The following PRUNE2 variants were observed in gnomAD, a reference collection of about 807,000 sequenced individuals.
PRUNE2 encodes the protein protein prune homolog 2.
In PRUNE2, 164 loss-of-function variants were observed where a neutral mutation model predicts 252.0. The ratio of observed to expected loss-of-function variants is 0.65; its 90% confidence interval spans 0.57 to 0.74. The LOEUF is 0.74. PRUNE2 is among the 30% of genes least tolerant of loss of function. PRUNE2 has a pLI of 0.00. For missense variants in PRUNE2, 3,495 were observed against 3,711.0 expected (o/e 0.94, Z 1.51); for synonymous variants, 1,292 against 1,350.2 (o/e 0.96, Z 0.94).
chr9:76,770,230 T>A (rs1004703943), intron 6 of PRUNE2, among the ~76,000 whole-genome samples: 2 of 152,162 alleles, frequency 1.3e-5, no homozygotes, highest in African/African-American at 4.8e-5. Flanking sequence ...CTTACACTTG[T>A]TTTCATTTAA....
chr9:76,630,607 C>G (rs993961607), intron 15 of PRUNE2, among the ~76,000 whole-genome samples: 2 of 152,330 alleles, frequency 1.3e-5, no homozygotes, highest in Admixed American at 1.3e-4. Flanking sequence ...TCACTGCAAG[C>G]TCTGCCTCCT....
intron 1 of PRUNE2, among the ~76,000 whole-genome samples, chr9:76,894,896 C>T (rs1323537784): frequency 6.6e-6 from 1 of 152,064 alleles, no homozygotes; most frequent in Non-Finnish European, 1.5e-5. Context: ...CGTGATGGCG[C>T]TTGCCTGTAA....
chr9:76,824,714 C>T (rs1349505012), intron 5 of PRUNE2, among the ~76,000 whole-genome samples: 3 of 152,198 alleles, frequency 2.0e-5, no homozygotes, highest in Non-Finnish European at 4.4e-5. Flanking sequence ...TGGTAAAGCA[C>T]TGCACCCTTC....
At chr9:76,680,829 G>A (rs766918320) in intron 9 of PRUNE2, among the ~76,000 whole-genome samples, 1 of 152,136 alleles carries the variant, frequency 6.6e-6, no homozygotes, top group Non-Finnish European at 1.5e-5. Context: ...ATCTTACATG[G>A]CAATAGAAGA....
rs745773096 is a variant in PRUNE2 at position 76,710,450 on chromosome 9, G to A, written c.1824C>T (p.Ile608=). 6 of 1,613,960 alleles carry A rather than the reference G, an allele frequency of 3.7e-6. No homozygotes were observed. In the South Asian group the frequency reaches 6.6e-5, roughly 18 times the overall value. ...CTAAACTATTCATGGGTGTTGGTGG[G>A]ATCCTCTTTCCAGTATTTTTTAGCC... The part of the protein sequence containing the change: ...PERLKNTGKR[I]PPTPMNSLVE... The change falls in exon 8 of 19, where the codon ATC becomes ATT. Residue 608 remains isoleucine, a synonymous_variant. Coordinates refer to ENST00000376718, the MANE Select transcript of PRUNE2 (RefSeq NM_015225.3).
chr9:76,828,358 T>A (rs1183315350), intron 4 of PRUNE2, among the ~76,000 whole-genome samples: 1 of 152,140 alleles, frequency 6.6e-6, no homozygotes, highest in Non-Finnish European at 1.5e-5. Context: ...GTTGAAAAAT[T>A]AGGTTGGAGA....
At chr9:76,815,982 G>A (rs993686780) in intron 6 of PRUNE2, among the ~76,000 whole-genome samples, 2 of 151,946 alleles carry the variant, frequency 1.3e-5, no homozygotes, top group African/African-American at 4.8e-5. Flanking sequence ...CCAACATGAT[G>A]AAACCCCATC....
At chr9:76,670,000 G>A (rs941983775) in intron 9 of PRUNE2, among the ~76,000 whole-genome samples, 1 of 152,122 alleles carries the variant, frequency 6.6e-6, no homozygotes, top group African/African-American at 2.4e-5. Flanking sequence ...CCTCAGCCTT[G>A]GACCCTAGTT....
At chr9:76,880,917 A>AAT (rs1300318375) in intron 1 of PRUNE2, among the ~76,000 whole-genome samples, 6 of 152,088 alleles carry the variant, frequency 3.9e-5, no homozygotes, top group Admixed American at 3.9e-4. Flanking sequence ...AATATTGATA[A>AAT]ATATAACACA....
chr9:76,762,404 G>C (rs1158193017), intron 6 of PRUNE2, among the ~76,000 whole-genome samples: 2 of 152,192 alleles, frequency 1.3e-5, no homozygotes, highest in Non-Finnish European at 2.9e-5. Context: ...TGCGCAGAGA[G>C]AGCAACTACC....
At chr9:76,861,579 G>C (rs771108992) in intron 1 of PRUNE2, among the ~76,000 whole-genome samples, 1 of 152,084 alleles carries the variant, frequency 6.6e-6, no homozygotes, top group Non-Finnish European at 1.5e-5. Context: ...CAGGCTTCTT[G>C]AAGCCTGGAG....
At chr9:76,863,984 A>G (rs1332868291) in intron 1 of PRUNE2, among the ~76,000 whole-genome samples, 2 of 152,192 alleles carry the variant, frequency 1.3e-5, no homozygotes, top group African/African-American at 4.8e-5. Flanking sequence ...ACAAAGACAC[A>G]TGCACTTATA....
chr9:76,878,235 A>G (rs2061572997), intron 1 of PRUNE2, among the ~76,000 whole-genome samples: 1 of 152,202 alleles, frequency 6.6e-6, no homozygotes, highest in Non-Finnish European at 1.5e-5. Context: ...AAGATGGCCA[A>G]AGAGAAGGAA....
intron 11 of PRUNE2, among the ~76,000 whole-genome samples, chr9:76,647,806 C>T (rs894251230): frequency 1.3e-5 from 2 of 152,006 alleles, no homozygotes; most frequent in Admixed American, 1.3e-4. Context: ...TACTAAAATA[C>T]AAAACATTAG....
chr9:76,826,349 C>G (rs1480955470), intron 5 of PRUNE2, among the ~76,000 whole-genome samples: 1 of 152,148 alleles, frequency 6.6e-6, no homozygotes, highest in Non-Finnish European at 1.5e-5. Context: ...ATGGTGCATG[C>G]CTGTAATCCC....
intron 6 of PRUNE2, among the ~76,000 whole-genome samples, chr9:76,754,476 T>C (rs986769837): frequency 1.3e-5 from 2 of 152,204 alleles, no homozygotes; most frequent in Non-Finnish European, 2.9e-5. Context: ...ATGAACATCA[T>C]TTTCTAAGGA....
chr9:76,633,574 T>G (rs1278033050), intron 15 of PRUNE2, among the ~76,000 whole-genome samples: 2 of 144,462 alleles, frequency 1.4e-5, no homozygotes, highest in Admixed American at 6.8e-5. Context: ...CAGAGTGAGG[T>G]TGTCTCAAAA....
At chr9:76,795,754 T>C (rs1044707391) in intron 6 of PRUNE2, among the ~76,000 whole-genome samples, 1 of 152,226 alleles carries the variant, frequency 6.6e-6, no homozygotes, top group Non-Finnish European at 1.5e-5. Context: ...AATCATGTAG[T>C]CCACCTTCTA....
chr9:76,744,689 C>T (rs773643897), intron 6 of PRUNE2, among the ~76,000 whole-genome samples: 5 of 152,116 alleles, frequency 3.3e-5, no homozygotes, highest in Admixed American at 6.5e-5. Context: ...CTTCCCTATC[C>T]GACTCCTACC....
Sources: gnomAD v4.1 joint callset for allele counts (sites outside exome capture counted in the v4.1 genomes callset) on GRCh38, gnomAD v4.1.1 for gene constraint, MANE v1.5 for transcripts, NCBI Gene and HGNC (gene_info 2026-07-23, HGNC 2026-07-21) for gene names.